The following PAK6 variants were observed in gnomAD, a reference collection of about 807,000 sequenced individuals.
The protein encoded by PAK6 is p21 (RAC1) activated kinase 6.
In PAK6, 33 loss-of-function variants were observed where a neutral mutation model predicts 60.8. The ratio of observed to expected loss-of-function variants is 0.54; its 90% CI spans 0.41 to 0.73. PAK6 has a LOEUF of 0.73. Among genes scored for constraint, PAK6 ranks in the 30% least tolerant of loss-of-function variants. PAK6 has a pLI of 0.00. For synonymous variants in PAK6, 404 were observed against 378.5 expected, an observed-to-expected ratio of 1.07 and a Z score of -0.78; for missense variants, 845 against 904.1, an observed-to-expected ratio of 0.93 and a Z score of 0.84.
chr15:40,266,660 C>T (rs1003541349), intron 5 of PAK6, 165 bp downstream of exon 5: 13 of 547,080 alleles, frequency 2.4e-5, no homozygotes, highest in Admixed American at 7.4e-5. Flanking sequence ...GAGGGTGGCT[C>T]GCCTCCTCCT....
intron 10 of PAK6, 121 bp downstream of exon 10, chr15:40,274,397 A>C: frequency 6.4e-6 from 7 of 1,091,390 alleles, no homozygotes; most frequent in Non-Finnish European, 9.0e-6. Context: ...CTCCTGGAAA[A>C]GGCTCCTCTT....
intron 5 of PAK6, among the ~76,000 whole-genome samples, chr15:40,269,834 A>G (rs980633242): frequency 2.0e-5 from 3 of 152,362 alleles, no homozygotes; most frequent in African/African-American, 7.2e-5. Context: ...GCAGCAGCAC[A>G]GGGACCTGGC....
At chr15:40,241,327 A>G (rs1363625973) in intron 2 of PAK6, among the ~76,000 whole-genome samples, 1 of 151,950 alleles carries the variant, frequency 6.6e-6, no homozygotes, top group East Asian at 1.9e-4. Flanking sequence ...GTACACCAAG[A>G]GGTTTGTGCC....
Position 40,272,724 on chromosome 15 carries a change from G to T in PAK6, c.1356+3G>T, listed in dbSNP as rs772007056. 4 of 1,583,846 alleles carry T rather than the reference G, an allele frequency of 2.5e-6. No individual in the cohort carries two copies. The highest frequency in any genetic ancestry group is 2.3e-5 in the South Asian group (2 of 88,322). On this transcript the variant is annotated splice_donor_region_variant and intron_variant, in intron 6 of 10. Coordinates refer to ENST00000560346, the Ensembl canonical transcript of PAK6. ...GCAGGGAGCTGCTCTTCAACGAGGT[G>T]GGAGGACAGGGTGGGACACAGACGG... is the stretch of plus-strand genomic sequence containing the variant.
At chr15:40,262,876 CT>C in intron 3 of PAK6, among the ~76,000 whole-genome samples, 1 of 126,822 alleles carries the variant, frequency 7.9e-6, no homozygotes, top group South Asian at 2.5e-4. Context: ...TGTTCAAAAT[CT>C]CTCCAAATTA....
rs1288453925 is a variant in PAK6, at chr15:40,251,511, T to C, written c.-117-1667T>C. 2.6e-5 allele frequency: 4 copies of C among 152,452 alleles called. No homozygotes were observed. The East Asian group carries it at 5.8e-4, about 22-fold the overall frequency. 9.4% of individuals were successfully genotyped at this position (152,452 alleles called of 1,614,324 possible). A position where few individuals can be genotyped will look rare whatever the true frequency, so the allele number is the denominator to read the frequency against. ...TAAAGAATCAGTGAACAAAAATAAG[T>C]GGCCATAGTGACCTCAGTTAATCAT... On this transcript the variant is annotated intron_variant, in intron 2 of 10. Coordinates refer to ENST00000560346, the Ensembl canonical transcript of PAK6.
At chr15:40,241,369 T>A (rs1369775048) in intron 2 of PAK6, among the ~76,000 whole-genome samples, 3 of 152,180 alleles carry the variant, frequency 2.0e-5, no homozygotes, top group African/African-American at 4.8e-5. Context: ...AGGCTGGTTC[T>A]GGTGGGAACT....
chr15:40,253,409 G>A, intron 3 of PAK6, 120 bp downstream of exon 3: 1 of 378,326 alleles, frequency 2.6e-6, no homozygotes, highest in Admixed American at 3.2e-5. Context: ...GGTACTGCTA[G>A]GCAGCGGAGG....
chr15:40,261,739 T>C (rs2038991335), intron 3 of PAK6, among the ~76,000 whole-genome samples: 1 of 152,148 alleles, frequency 6.6e-6, no homozygotes, highest in Non-Finnish European at 1.5e-5. Flanking sequence ...ACCTAAGTGA[T>C]GGCCTCTGGT....
At chr15:40,243,132 T>C (rs774272837) in intron 2 of PAK6, among the ~76,000 whole-genome samples, 9 of 152,230 alleles carry the variant, frequency 5.9e-5, no homozygotes, top group African/African-American at 9.6e-5. Flanking sequence ...GCCCAGATAA[T>C]TTATAAATTT....
chr15:40,265,988 G>A, exon 5 of PAK6: 5 of 1,602,520 alleles, frequency 3.1e-6, no homozygotes, highest in South Asian at 1.1e-5. Flanking sequence ...TGGGGCTGCT[G>A]GGGGATGAGC....
exon 11 of PAK6, chr15:40,276,167 T>C: frequency 2.9e-6 from 4 of 1,360,394 alleles, no homozygotes; most frequent in Non-Finnish European, 3.1e-6. Flanking sequence ...CCGGCAGGAC[T>C]TGCCTGCCTC....
intron 2 of PAK6, among the ~76,000 whole-genome samples, chr15:40,249,180 A>G (rs1023206130): frequency 1.3e-5 from 2 of 152,146 alleles, no homozygotes; most frequent in Non-Finnish European, 2.9e-5. Flanking sequence ...TCATAAAGGC[A>G]TGAATCCCAT....
At chr15:40,261,129 T>C (rs577576013) in intron 3 of PAK6, among the ~76,000 whole-genome samples, 25 of 151,952 alleles carry the variant, frequency 1.6e-4, no homozygotes, top group East Asian at 1.6e-3. Context: ...ACCTCGTGAT[T>C]CGCCCACCTC....
chr15:40,239,298 G>C (rs1428328517), upstream of PAK6: 2 of 152,350 alleles, frequency 1.3e-5, no homozygotes, highest in Non-Finnish European at 2.9e-5. Context: ...GGTGGGGGAG[G>C]GCGCTGCTCC....
chr15:40,265,813 C>T, intron 4 of PAK6, 29 bp from the exon 5 acceptor site: 1 of 1,503,130 alleles, frequency 6.7e-7, no homozygotes. Context: ...TGGGCAGCTC[C>T]CACACACTCT....
chr15:40,272,829 C>A (rs2039347891), intron 6 of PAK6, 37 bp from the exon 7 acceptor site: 1 of 1,607,674 alleles, frequency 6.2e-7, no homozygotes, highest in South Asian at 1.1e-5. Context: ...TGCGTCTGGG[C>A]ACTGTGCCTG....
chr15:40,272,972 C>G, exon 7 of PAK6: 1 of 1,613,888 alleles, frequency 6.2e-7, no homozygotes, highest in Non-Finnish European at 8.5e-7. Context: ...CAGGGAGGAG[C>G]CCTCACAGAC....
intron 3 of PAK6, among the ~76,000 whole-genome samples, chr15:40,255,790 C>T (rs1213232213): frequency 6.6e-6 from 1 of 152,152 alleles, no homozygotes; most frequent in African/African-American, 2.4e-5. Context: ...GGGAGCTTTT[C>T]ATCGCTGAAT....
Sources: allele counts gnomAD v4.1 joint callset (sites outside exome capture counted in the v4.1 genomes callset), GRCh38; gene constraint gnomAD v4.1.1; transcripts MANE v1.5; gene names NCBI Gene and HGNC (gene_info 2026-07-23, HGNC 2026-07-21).